The following ESYT2 variants were observed in gnomAD, a reference collection of about 807,000 sequenced individuals.
ESYT2 encodes extended synaptotagmin-2.
ESYT2 carries 54 observed loss-of-function variants against 107.2 expected under a neutral mutation model. That is an observed-to-expected ratio of 0.50 (90% CI 0.40 to 0.63). The LOEUF (loss-of-function observed/expected upper bound fraction) is 0.63. ESYT2 is among the 30% of genes least tolerant of loss of function. The probability of loss-of-function intolerance (pLI) is 0.00; values close to 1 mark genes in which losing one functional copy is unlikely to be tolerated. For missense variants in ESYT2, 1,020 were observed against 1,094.5 expected (o/e 0.93, Z 0.96); for synonymous variants, 491 against 434.1 (o/e 1.13, Z -1.63).
At chr7:158,787,082 A>G (rs1839138966) in intron 6 of ESYT2, among the ~76,000 whole-genome samples, 1 of 152,166 alleles carries the variant, frequency 6.6e-6, no homozygotes, top group African/African-American at 2.4e-5. Context: ...CAGGAGCACA[A>G]TGAACACGGA....
chr7:158,781,538 A>C (rs941663306), intron 6 of ESYT2, among the ~76,000 whole-genome samples: 3 of 152,116 alleles, frequency 2.0e-5, no homozygotes, highest in African/African-American at 7.2e-5. Context: ...TGTGAGTGTA[A>C]GAACGAGAAC....
intron 16 of ESYT2, among the ~76,000 whole-genome samples, chr7:158,747,542 T>C (rs1479603543): frequency 6.6e-6 from 1 of 152,162 alleles, no homozygotes; most frequent in African/African-American, 2.4e-5. Flanking sequence ...GTAATACTCC[T>C]ATCTACCCAC....
At chr7:158,739,241 C>T in intron 18 of ESYT2, 120 bp from the exon 19 acceptor site, 1 of 778,328 alleles carries the variant, frequency 1.3e-6, no homozygotes, top group Non-Finnish European at 2.0e-6. Flanking sequence ...AGTCAAATTA[C>T]CCATGAACTT....
chr7:158,746,124 T>C (rs1837391469), intron 16 of ESYT2, among the ~76,000 whole-genome samples: 1 of 152,166 alleles, frequency 6.6e-6, no homozygotes, highest in African/African-American at 2.4e-5. Flanking sequence ...CTCACGTCTG[T>C]AATCCCAGCA....
chr7:158,794,295 C>G (rs1187473895), intron 3 of ESYT2, among the ~76,000 whole-genome samples: 1 of 152,186 alleles, frequency 6.6e-6, no homozygotes, highest in African/African-American at 2.4e-5. Context: ...AAGGTTTAAA[C>G]CAGCCTGGGC....
Position 158,735,642 on chromosome 7 carries a change from T to C in ESYT2, c.2400-34A>G, listed in dbSNP as rs1836911384. The C allele has an allele frequency of 1.3e-6, 2 of 1,554,118 alleles. 1 individual carries two copies. Among genetic ancestry groups the C allele is most frequent in the Non-Finnish European group, 1.8e-6 (2 of 1,126,666 alleles). ...GGAAACGAGAGCCTTACTTTATCCA[T>C]CATTCTGCTGTATTTTCTTATAACT... On this transcript the variant is annotated intron_variant, in intron 20 of 22. Transcript: ENST00000275418.
chr7:158,753,516 T>C (rs983993790), intron 13 of ESYT2, among the ~76,000 whole-genome samples: 1 of 152,150 alleles, frequency 6.6e-6, no homozygotes, highest in Non-Finnish European at 1.5e-5. Context: ...AAGCTCCTTC[T>C]AGGACTAGTA....
At chr7:158,741,994 T>A in intron 17 of ESYT2, 98 bp from the exon 18 acceptor site, 1 of 1,411,400 alleles carries the variant, frequency 7.1e-7, no homozygotes, top group Non-Finnish European at 9.4e-7. Context: ...AAAATTTCTT[T>A]AAAACTTAGC....
chr7:158,808,135 T>G (rs990342393), intron 1 of ESYT2, among the ~76,000 whole-genome samples: 1 of 152,192 alleles, frequency 6.6e-6, no homozygotes, highest in Non-Finnish European at 1.5e-5. Flanking sequence ...TGTTACCTAT[T>G]ACAGAAATCC....
intron 7 of ESYT2, among the ~76,000 whole-genome samples, chr7:158,770,502 T>C (rs1289697512): frequency 6.6e-6 from 1 of 150,806 alleles, no homozygotes; most frequent in Non-Finnish European, 1.5e-5. Context: ...ATTATACATA[T>C]ACGATTATAT....
chr7:158,813,960 G>A (rs1563038118), intron 1 of ESYT2, among the ~76,000 whole-genome samples: 1 of 151,938 alleles, frequency 6.6e-6, no homozygotes, highest in African/African-American at 2.4e-5. Context: ...GACTCTCACA[G>A]ATCAAAAACA....
At chr7:158,768,282 T>C (rs1488332525) in intron 7 of ESYT2, among the ~76,000 whole-genome samples, 2 of 152,240 alleles carry the variant, frequency 1.3e-5, no homozygotes, top group African/African-American at 4.8e-5. Flanking sequence ...CAGTCCCCAC[T>C]GAAGGAGAAC....
At chr7:158,749,749 C>A in intron 14 of ESYT2, 26 bp from the exon 15 acceptor site, 1 of 1,605,178 alleles carries the variant, frequency 6.2e-7, no homozygotes, top group Non-Finnish European at 8.5e-7. Context: ...AGAAAACAGA[C>A]AAAATAAATA....
chr7:158,793,541 A>G, intron 4 of ESYT2, 109 bp downstream of exon 4: 2 of 773,700 alleles, frequency 2.6e-6, no homozygotes, highest in East Asian at 2.6e-5. Flanking sequence ...TCGAATTCCA[A>G]TCAACAGCAG....
chr7:158,794,662 G>C (rs948119848), intron 3 of ESYT2, among the ~76,000 whole-genome samples: 2 of 151,714 alleles, frequency 1.3e-5, no homozygotes, highest in African/African-American at 4.9e-5. Context: ...TGTAGTCCCA[G>C]CTACTCGGGA....
intron 14 of ESYT2, among the ~76,000 whole-genome samples, chr7:158,750,321 GGA>G (rs1837540989): frequency 6.6e-6 from 1 of 152,054 alleles, no homozygotes; most frequent in South Asian, 2.1e-4. Context: ...AAAAAATTCA[GGA>G]CTAGGAAAAA....
chr7:158,759,421 T>G, intron 13 of ESYT2, 65 bp downstream of exon 13: 1 of 1,276,074 alleles, frequency 7.8e-7, no homozygotes, highest in Admixed American at 1.8e-5. Flanking sequence ...CACAAAGCAG[T>G]GGTTATAAGC....
intron 14 of ESYT2, among the ~76,000 whole-genome samples, chr7:158,750,266 C>A (rs981994522): frequency 6.6e-6 from 1 of 151,878 alleles, no homozygotes; most frequent in African/African-American, 2.4e-5. Context: ...GAAGAATAAT[C>A]ATCAGTTTAG....
chr7:158,816,939 T>C (rs1333887863), intron 1 of ESYT2, among the ~76,000 whole-genome samples: 1 of 152,228 alleles, frequency 6.6e-6, no homozygotes, highest in African/African-American at 2.4e-5. Context: ...AAATTTTAGG[T>C]ACGCACTTAC....
Sources: gnomAD v4.1 joint callset for allele counts (sites outside exome capture counted in the v4.1 genomes callset) on GRCh38, gnomAD v4.1.1 for gene constraint, MANE v1.5 for transcripts, NCBI Gene and HGNC (gene_info 2026-07-23, HGNC 2026-07-21) for gene names.